CHRDL1: variants seen among roughly 807,000 people sequenced by gnomAD.
The protein encoded by CHRDL1 is chordin-like protein 1.
Under a neutral mutation model 40.9 loss-of-function variants are expected in CHRDL1, and 19 were observed. The observed-to-expected ratio is 0.46, with a 90% CI of 0.32 to 0.68. The LOEUF is 0.68. CHRDL1 is among the 30% of genes least tolerant of loss of function. CHRDL1 has a pLI of 0.03. For synonymous variants in CHRDL1, 136 were observed against 123.4 expected, an observed-to-expected ratio of 1.10 and a Z score of -0.68; for missense variants, 329 against 352.1, an observed-to-expected ratio of 0.93 and a Z score of 0.53.
rs1456545789 is a variant in CHRDL1 at position 110,689,763 on chromosome X, CTA to C, written c.779-962_779-961del. Among the ~76,000 whole-genome samples, 20 of 14,616 alleles carry C rather than the reference CTA, an allele frequency of 1.4e-3. 3 individuals carry two copies. Among genetic ancestry groups the C allele is most frequent in the Non-Finnish European group, 2.0e-3 (18 of 8,971 alleles). 12.7% of individuals were successfully genotyped at this position (14,616 alleles called of 115,157 possible). ...TATATATATCTATATATCTATATATCTATATATATCTATATATCTATATATAT... is the reference window on the plus strand; with the variant it reads ...TATATATATCTATATATCTATATATCTATATATCTATATATCTATATATAT... On this transcript the variant is annotated intron_variant, in intron 8 of 11. Transcript: ENST00000372042.
intron 2 of CHRDL1, among the ~76,000 whole-genome samples, chrX:110,789,085 A>C (rs1362023363): frequency 1.8e-5 from 2 of 112,146 alleles, no homozygotes; most frequent in Non-Finnish European, 3.8e-5. Context: ...CATATCAAAA[A>C]TAATATTTAA....
At chrX:110,738,535 G>A (rs1603209814) in intron 4 of CHRDL1, among the ~76,000 whole-genome samples, 1 of 110,457 alleles carries the variant, frequency 9.1e-6, no homozygotes, top group South Asian at 4.0e-4. Flanking sequence ...AAGGTCAAGA[G>A]ATCGAGACCA....
At chrX:110,729,624 G>A (rs1408482020) in intron 4 of CHRDL1, among the ~76,000 whole-genome samples, 1 of 111,763 alleles carries the variant, frequency 8.9e-6, no homozygotes. Flanking sequence ...TCATAATGAG[G>A]CTGTAGAGCA....
Position 110,689,861 on chromosome X carries a change from C to A in CHRDL1, c.779-1058G>T, listed in dbSNP as rs866596136. Reference sequence around the variant, plus strand: ...TATATATCTATATATCTATATATATCTATATATCTATATATATCTATATAT... The same window carrying A: ...TATATATCTATATATCTATATATATATATATATCTATATATATCTATATAT... On this transcript the variant is annotated intron_variant, in intron 8 of 11. Transcript: ENST00000372042. 2.3e-4 allele frequency among the ~76,000 whole-genome samples: 3 copies of A among 12,884 alleles called. No homozygotes were observed. In the East Asian group the frequency reaches 2.6e-3, roughly 11 times the overall value. The allele number at this position is 12,884 out of a possible 115,157, so 11.2% of individuals were successfully genotyped here. A position where few individuals can be genotyped will look rare whatever the true frequency, so the allele number is the denominator to read the frequency against.
chrX:110,731,620 C>A (rs987164277), intron 4 of CHRDL1, among the ~76,000 whole-genome samples: 9 of 110,366 alleles, frequency 8.2e-5, no homozygotes, highest in Non-Finnish European at 1.9e-5. Flanking sequence ...AATGGATGAA[C>A]AAAATATGGT....
chrX:110,763,519 T>C (rs2089603050), intron 2 of CHRDL1, among the ~76,000 whole-genome samples: 1 of 106,396 alleles, frequency 9.4e-6, no homozygotes, highest in Non-Finnish European at 1.9e-5. Context: ...TATACACACA[T>C]ATATATAATC....
chrX:110,759,358 G>A (rs944106410), intron 4 of CHRDL1, among the ~76,000 whole-genome samples: 2 of 112,483 alleles, frequency 1.8e-5, no homozygotes, highest in South Asian at 7.4e-4. Flanking sequence ...GCCCATGGCA[G>A]GAAGAGGCTG....
chrX:110,758,744 G>A (rs1032009657), intron 4 of CHRDL1, among the ~76,000 whole-genome samples: 5 of 111,694 alleles, frequency 4.5e-5, no homozygotes, highest in Non-Finnish European at 9.4e-5. Flanking sequence ...ATAAAGCTGC[G>A]GATGTTCTCT....
intron 7 of CHRDL1, among the ~76,000 whole-genome samples, chrX:110,695,080 T>C (rs757198803): frequency 1.2e-4 from 13 of 110,750 alleles, no homozygotes; most frequent in South Asian, 3.9e-4. Context: ...TTTCAAAGCA[T>C]TGAATCCTGA....
At chrX:110,744,343 T>C (rs2071411893) in intron 4 of CHRDL1, among the ~76,000 whole-genome samples, 1 of 111,411 alleles carries the variant, frequency 9.0e-6, no homozygotes, top group African/African-American at 3.3e-5. Context: ...GTGATTTTTT[T>C]CCCCCTTTTT....
chrX:110,717,346 G>A (rs1383597416), intron 6 of CHRDL1, among the ~76,000 whole-genome samples: 1 of 112,121 alleles, frequency 8.9e-6, no homozygotes, highest in African/African-American at 3.2e-5. Context: ...GAGAGCACAG[G>A]AACAATGCAG....
chrX:110,767,560 G>A (rs1461311912), intron 2 of CHRDL1, among the ~76,000 whole-genome samples: 2 of 107,831 alleles, frequency 1.9e-5, no homozygotes, highest in African/African-American at 6.8e-5. Flanking sequence ...ATCAAGTGGA[G>A]AATCAAATCA....
intron 2 of CHRDL1, among the ~76,000 whole-genome samples, chrX:110,774,511 G>C (rs1280676250): frequency 9.1e-6 from 1 of 110,483 alleles, no homozygotes; most frequent in Non-Finnish European, 1.9e-5. Context: ...ATTGGTGTAG[G>C]GGTGTGGAAA....
chrX:110,752,616 A>T (rs887742634), intron 4 of CHRDL1, among the ~76,000 whole-genome samples: 4 of 110,894 alleles, frequency 3.6e-5, no homozygotes, highest in African/African-American at 1.3e-4. Context: ...AACATTTCAG[A>T]ATCCTCAGGC....
At chrX:110,755,867 C>T (rs774183483) in intron 4 of CHRDL1, among the ~76,000 whole-genome samples, 34 of 111,677 alleles carry the variant, frequency 3.0e-4, no homozygotes, top group Non-Finnish European at 5.5e-4. Flanking sequence ...GTCATCACAT[C>T]CATTGCCCTG....
At chrX:110,791,720 TG>T (rs1434699880) in intron 2 of CHRDL1, among the ~76,000 whole-genome samples, 2 of 112,312 alleles carry the variant, frequency 1.8e-5, no homozygotes, top group Admixed American at 9.4e-5. Flanking sequence ...TTTCATAAAC[TG>T]AAAGCCTTTG....
rs887384659 is a variant in CHRDL1 at position 110,700,575 on chromosome X, C to A, written c.609+79G>T. On this transcript the variant is annotated intron_variant, in intron 7 of 11. Transcript: ENST00000372042. ...AAATCGGGCCTTTTTTTTGGATTTG[C>A]TAGAATAGTAGCCACGAGGAGAGGA... The A allele has an allele frequency of 4.3e-6, 3 of 692,869 alleles. No homozygotes were observed. The Admixed American group carries it at 7.6e-5, about 18-fold the overall frequency. The allele number at this position is 692,869 out of a possible 1,213,427, so 57.1% of individuals were successfully genotyped here. A position where few individuals can be genotyped will look rare whatever the true frequency, so the allele number is the denominator to read the frequency against.
At chrX:110,760,939 A>C (rs376108498) in intron 3 of CHRDL1, among the ~76,000 whole-genome samples, 83 of 111,111 alleles carry the variant, frequency 7.5e-4, no homozygotes, top group African/African-American at 2.7e-3. Context: ...CTGAGGTCTA[A>C]AGTGAATCCT....
intron 4 of CHRDL1, among the ~76,000 whole-genome samples, chrX:110,741,429 A>G (rs763651759): frequency 4.5e-5 from 5 of 111,245 alleles, no homozygotes; most frequent in Non-Finnish European, 9.4e-5. Context: ...TGGAGAGTCC[A>G]TGGCAAGTCA....
Sources: gnomAD v4.1 joint callset for allele counts (sites outside exome capture counted in the v4.1 genomes callset) on GRCh38, gnomAD v4.1.1 for gene constraint, MANE v1.5 for transcripts, NCBI Gene and HGNC (gene_info 2026-07-23, HGNC 2026-07-21) for gene names.